EYS: variants seen among roughly 807,000 people sequenced by gnomAD.
EYS encodes the protein protein eyes shut homolog.
Under a neutral mutation model 282.1 loss-of-function variants are expected in EYS, and 250 were observed. The observed-to-expected ratio is 0.89, with a 90% CI of 0.80 to 0.98. The LOEUF (loss-of-function observed/expected upper bound fraction) is 0.98, where lower values mean the gene tolerates loss of function less well. Ranked by LOEUF, EYS falls within the 50% of genes least tolerant of loss-of-function variation. EYS has a pLI of 0.00. For synonymous variants in EYS, 1,355 were observed against 1,282.9 expected, an observed-to-expected ratio of 1.06 and a Z score of -1.20; for missense variants, 4,016 against 3,709.0, an observed-to-expected ratio of 1.08 and a Z score of -2.15.
chr6:65,136,683 T>C (rs1179223430), intron 12 of EYS, among the ~76,000 whole-genome samples: 1 of 151,914 alleles, frequency 6.6e-6, no homozygotes, highest in Non-Finnish European at 1.5e-5. Context: ...ATCACAAAAT[T>C]ATAATTTTTC....
chr6:65,459,884 C>T (rs1031678102), intron 5 of EYS, among the ~76,000 whole-genome samples: 3 of 148,172 alleles, frequency 2.0e-5, no homozygotes, highest in Non-Finnish European at 4.5e-5. Context: ...ACAGAAATTA[C>T]CTAAACTAAA....
At chr6:63,988,566 C>T (rs2149794864) in intron 34 of EYS, among the ~76,000 whole-genome samples, 1 of 151,654 alleles carries the variant, frequency 6.6e-6, no homozygotes, top group Admixed American at 6.6e-5. Context: ...ACTTCCATTC[C>T]CAGACTTTCA....
chr6:65,692,606 G>C (rs1769284155), intron 1 of EYS, among the ~76,000 whole-genome samples: 1 of 149,884 alleles, frequency 6.7e-6, no homozygotes, highest in African/African-American at 2.4e-5. Context: ...TAAATGGAAA[G>C]TATAATTTTC....
intron 12 of EYS, among the ~76,000 whole-genome samples, chr6:65,059,436 G>C (rs1773507319): frequency 6.6e-6 from 1 of 152,022 alleles, no homozygotes; most frequent in Admixed American, 6.6e-5. Context: ...CAAGTTAGGA[G>C]GTAGTATTAC....
At chr6:65,567,505 G>T (rs1021909848) in intron 2 of EYS, among the ~76,000 whole-genome samples, 3 of 151,798 alleles carry the variant, frequency 2.0e-5, no homozygotes, top group African/African-American at 7.3e-5. Flanking sequence ...AAATGATGCA[G>T]CTTTTTAAAT....
intron 31 of EYS, among the ~76,000 whole-genome samples, chr6:64,166,759 T>C (rs1373052838): frequency 6.6e-6 from 1 of 152,212 alleles, no homozygotes; most frequent in Non-Finnish European, 1.5e-5. Context: ...CAAAAATTAA[T>C]TGGGGAAAAG....
chr6:65,340,652 A>AT (rs1770164314), intron 10 of EYS, among the ~76,000 whole-genome samples: 1 of 150,480 alleles, frequency 6.6e-6, no homozygotes, highest in Admixed American at 6.6e-5. Flanking sequence ...CCCACTAAAT[A>AT]CCCTCTACAA....
intron 37 of EYS, among the ~76,000 whole-genome samples, chr6:63,798,987 G>GTATATGTGTATA: frequency 1.2e-5 from 1 of 85,786 alleles, no homozygotes; most frequent in Non-Finnish European, 2.1e-5. Flanking sequence ...GTATATGTGT[G>GTATATGTGTATA]TATATATATA....
intron 19 of EYS, among the ~76,000 whole-genome samples, chr6:64,839,218 G>A (rs960321352): frequency 4.0e-5 from 6 of 151,820 alleles, no homozygotes; most frequent in Non-Finnish European, 7.4e-5. Context: ...AATGAAAATC[G>A]ATCACTTCAT....
intron 12 of EYS, among the ~76,000 whole-genome samples, chr6:65,261,236 T>C (rs554187093): frequency 1.3e-5 from 2 of 152,084 alleles, no homozygotes; most frequent in East Asian, 3.9e-4. Context: ...TTAAACTGCA[T>C]TTTGAAAGGA....
chr6:64,508,172 G>A (rs1262328845), intron 26 of EYS, among the ~76,000 whole-genome samples: 1 of 152,108 alleles, frequency 6.6e-6, no homozygotes, highest in Non-Finnish European at 1.5e-5. Flanking sequence ...TTTAAATGAA[G>A]AAAGTAGCAG....
At chr6:64,488,075 TA>T (rs1776628815) in intron 26 of EYS, among the ~76,000 whole-genome samples, 1 of 151,132 alleles carries the variant, frequency 6.6e-6, no homozygotes, top group African/African-American at 2.4e-5. Context: ...CATACTTGAT[TA>T]AATTTGGTTT....
intron 14 of EYS, among the ~76,000 whole-genome samples, chr6:64,976,903 T>A (rs1770490654): frequency 6.6e-6 from 1 of 151,742 alleles, no homozygotes; most frequent in South Asian, 2.1e-4. Flanking sequence ...TTTTTTATTA[T>A]TTTTTTTGAG....
chr6:63,903,052 C>T (rs1344096052), intron 35 of EYS, among the ~76,000 whole-genome samples: 3 of 152,220 alleles, frequency 2.0e-5, no homozygotes, highest in South Asian at 4.1e-4. Context: ...ACTAAGGATC[C>T]ATCAGAAGTT....
At chr6:63,723,297 GAA>G (rs1768477573) in intron 42 of EYS, among the ~76,000 whole-genome samples, 1 of 152,144 alleles carries the variant, frequency 6.6e-6, no homozygotes, top group East Asian at 1.9e-4. Context: ...GATTAGGAAA[GAA>G]AAAATATACA....
chr6:63,819,930 G>T (rs2149685315), intron 36 of EYS, among the ~76,000 whole-genome samples: 1 of 152,216 alleles, frequency 6.6e-6, no homozygotes. Flanking sequence ...TTATATCAGG[G>T]GTCCGGGTTG....
intron 29 of EYS, among the ~76,000 whole-genome samples, chr6:64,356,361 C>T (rs188801281): frequency 6.6e-6 from 1 of 151,650 alleles, no homozygotes. Context: ...ATGCTATTTA[C>T]TCTAGTAATT....
chr6:65,223,145 G>A (rs1424908625), intron 12 of EYS, among the ~76,000 whole-genome samples: 2 of 152,078 alleles, frequency 1.3e-5, no homozygotes, highest in African/African-American at 4.8e-5. Flanking sequence ...ATAGGGGAAT[G>A]TATGATGATG....
chr6:64,656,684 A>G (rs1160820834), intron 22 of EYS, among the ~76,000 whole-genome samples: 1 of 152,178 alleles, frequency 6.6e-6, no homozygotes, highest in Non-Finnish European at 1.5e-5. Context: ...AAGAAAGCTA[A>G]GGTGTGTATA....
Sources: allele counts gnomAD v4.1 joint callset (sites outside exome capture counted in the v4.1 genomes callset), GRCh38; gene constraint gnomAD v4.1.1; transcripts MANE v1.5; gene names NCBI Gene and HGNC (gene_info 2026-07-23, HGNC 2026-07-21).